Variants in SLC9A7 observed in about 807,000 individuals in gnomAD.
The protein encoded by SLC9A7 is sodium/hydrogen exchanger 7.
A neutral mutation model predicts 52.6 loss-of-function variants in SLC9A7; 19 were observed. The observed-to-expected ratio is 0.36, with a 90% CI of 0.25 to 0.53. The LOEUF is 0.53. SLC9A7 is among the 20% of genes least tolerant of loss of function. The probability of loss-of-function intolerance (pLI) is 0.91; values close to 1 mark genes in which losing one functional copy is unlikely to be tolerated. For synonymous variants in SLC9A7, 226 were observed against 252.1 expected (o/e 0.90, Z 0.98); for missense variants, 455 against 597.9 (o/e 0.76, Z 2.49).
At chrX:46,631,903 C>T (rs1438050682) in intron 13 of SLC9A7, among the ~76,000 whole-genome samples, 1 of 112,027 alleles carries the variant, frequency 8.9e-6, no homozygotes, top group Non-Finnish European at 1.9e-5. Context: ...CGGAACACAA[C>T]ACATGCTGGC....
chrX:46,746,247 T>C (rs1921761911), intron 1 of SLC9A7, among the ~76,000 whole-genome samples: 1 of 110,770 alleles, frequency 9.0e-6, no homozygotes, highest in African/African-American at 3.3e-5. Flanking sequence ...GAGAATCGCT[T>C]GAACCCGGGA....
At chrX:46,626,415 C>T (rs1943129766) in intron 14 of SLC9A7, among the ~76,000 whole-genome samples, 1 of 111,974 alleles carries the variant, frequency 8.9e-6, no homozygotes, top group South Asian at 3.7e-4. Flanking sequence ...GCTGGGATTA[C>T]AGGTGCCTGC....
At chrX:46,754,622 G>C (rs1922501771) in intron 1 of SLC9A7, among the ~76,000 whole-genome samples, 1 of 111,954 alleles carries the variant, frequency 8.9e-6, no homozygotes, top group African/African-American at 3.3e-5. Flanking sequence ...CTCCACCACA[G>C]CAACAGTGAG....
At chrX:46,615,805 T>C (rs1454447050) in intron 15 of SLC9A7, among the ~76,000 whole-genome samples, 1 of 110,031 alleles carries the variant, frequency 9.1e-6, no homozygotes, top group Non-Finnish European at 1.9e-5. Context: ...AATACACTTC[T>C]CCCCCATTTC....
intron 13 of SLC9A7, among the ~76,000 whole-genome samples, chrX:46,633,073 GA>G (rs1167731209): frequency 9.2e-6 from 1 of 108,704 alleles, no homozygotes; most frequent in Admixed American, 9.9e-5. Flanking sequence ...GGCAATGGGG[GA>G]AAGAAAAAAG....
rs1922937631 is a variant in SLC9A7 at position 46,759,116 on chromosome X, A to AGTGGCC, written c.-88_-87insGGCCAC. On this transcript the variant is annotated 5_prime_UTR_variant, in exon 1 of 17. Transcript: ENST00000616978. ...TCTGGCAGCACCGCGGACCTGCCGG[A>AGTGGCC]GTGGCCGTGGCCGCTGCAGCTCCTC... 3.2e-6 allele frequency: 2 copies of AGTGGCC among 616,317 alleles called. No individual in the cohort carries two copies. Among genetic ancestry groups the AGTGGCC allele is most frequent in the Non-Finnish European group, 4.2e-6 (2 of 481,195 alleles). The allele number at this position is 616,317 out of a possible 1,213,427, so 50.8% of individuals were successfully genotyped here.
chrX:46,634,981 CCA>C (rs747837272), intron 13 of SLC9A7, among the ~76,000 whole-genome samples: 1 of 111,319 alleles, frequency 9.0e-6, no homozygotes, highest in African/African-American at 3.3e-5. Flanking sequence ...CCAGACATCA[CCA>C]CCCTTAAGCA....
Position 46,662,525 on chromosome X carries a change from C to T in SLC9A7, c.899+13G>A, listed in dbSNP as rs944847452. The stretch of plus-strand genomic sequence containing the variant: ...TGGGGTGTCTCTTCTCCAGCAGAAA[C>T]ACTGCTACTTACGAGGACAGTACAA... On this transcript the variant is annotated intron_variant, in intron 6 of 16. Coordinates refer to ENST00000616978, the MANE Select transcript of SLC9A7 (RefSeq NM_001257291.2). 13 of 1,159,288 alleles carry T rather than the reference C, an allele frequency of 1.1e-5. No homozygotes were observed. Among genetic ancestry groups the T allele is most frequent in the Non-Finnish European group, 1.5e-5 (13 of 850,998 alleles).
At chrX:46,618,475 C>T (rs1218069265) in intron 15 of SLC9A7, among the ~76,000 whole-genome samples, 1 of 110,276 alleles carries the variant, frequency 9.1e-6, no homozygotes, top group African/African-American at 3.3e-5. Context: ...ATGCTTGTCA[C>T]TCAGTAAAAA....
chrX:46,643,984 C>T (rs1428372140), intron 11 of SLC9A7, among the ~76,000 whole-genome samples: 1 of 112,092 alleles, frequency 8.9e-6, no homozygotes, highest in Non-Finnish European at 1.9e-5. Flanking sequence ...AACATTTCCA[C>T]AAATGTTTAC....
intron 1 of SLC9A7, among the ~76,000 whole-genome samples, chrX:46,693,844 A>G (rs1260604796): frequency 1.8e-5 from 2 of 111,191 alleles, no homozygotes; most frequent in Non-Finnish European, 3.8e-5. Flanking sequence ...TGAGGCCAGG[A>G]GTTCAAGACC....
Position 46,669,687 on chromosome X carries a change from T to C in SLC9A7, c.713A>G (p.Lys238Arg). The change falls in exon 5 of 17, where the codon AAG becomes AGG. Residue 238 changes from lysine to arginine, a missense_variant. Lys to Arg is a conservative substitution (Grantham distance 26, BLOSUM62 2). This residue lies in a region of SLC9A7 where 304 missense variants were observed against 417.8 expected (regional missense o/e 0.73). Coordinates refer to ENST00000616978, the MANE Select transcript of SLC9A7 (RefSeq NM_001257291.2). ...NLMYGVVKLM[K>R]IMGQLSDKFY... is the part of the protein sequence containing the mutation. ...TTTATCTGAGAGCTGTCCCATAATC[T>C]TCATGAGCTTCACCACACCATACAT... is the stretch of plus-strand genomic sequence containing the variant. 1 of 1,174,982 alleles carries C rather than the reference T, an allele frequency of 8.5e-7. No homozygotes were observed. The highest frequency in any genetic ancestry group is 1.2e-6 in the Non-Finnish European group (1 of 869,429).
At chrX:46,674,674 C>T (rs2146850350) in intron 3 of SLC9A7, among the ~76,000 whole-genome samples, 1 of 111,918 alleles carries the variant, frequency 8.9e-6, no homozygotes, top group Admixed American at 9.5e-5. Flanking sequence ...TCCCACTTCT[C>T]TTTGGGAAAG....
chrX:46,724,606 G>T (rs1438545573), intron 1 of SLC9A7, among the ~76,000 whole-genome samples: 1 of 111,306 alleles, frequency 9.0e-6, no homozygotes, highest in Non-Finnish European at 1.9e-5. Flanking sequence ...GGGAACCATA[G>T]AATAAAAATA....
rs1398404041 is a variant in SLC9A7 at position 46,759,000 on chromosome X, G to C, written c.30C>G (p.Gly10=). Residue 10 remains glycine (G), a synonymous_variant, in exon 1 of 17, where the codon GGC becomes GGG. Transcript: ENST00000616978. MEPGDAARP[G]SGRATGAPPP... ...GCGGCGCCCCGGTAGCCCGACCCGA[G>C]CCAGGGCGCGCCGCGTCACCAGGCT... 6.6e-5 allele frequency: 64 copies of C among 973,411 alleles called. No homozygotes were observed. The highest frequency in any genetic ancestry group is 8.2e-5 in the Non-Finnish European group (64 of 781,929). 80.2% of individuals were successfully genotyped at this position (973,411 alleles called of 1,213,427 possible). A position where few individuals can be genotyped will look rare whatever the true frequency, so the allele number is the denominator to read the frequency against.
chrX:46,628,649 T>A (rs980754006), intron 14 of SLC9A7, among the ~76,000 whole-genome samples: 13 of 112,485 alleles, frequency 1.2e-4, no homozygotes, highest in African/African-American at 3.9e-4. Context: ...CAAATGTCAC[T>A]TTTTTGTTTG....
chrX:46,646,554 G>A, intron 11 of SLC9A7: 1 of 200,296 alleles, frequency 5.0e-6, no homozygotes, highest in East Asian at 1.4e-4. Flanking sequence ...GGGACGGGCA[G>A]GGAAGGTGTT....
chrX:46,737,732 A>G (rs530201185), intron 1 of SLC9A7, among the ~76,000 whole-genome samples: 3 of 111,641 alleles, frequency 2.7e-5, no homozygotes, highest in African/African-American at 9.8e-5. Flanking sequence ...TCAGTCATAC[A>G]CAGAAAGTTT....
At chrX:46,701,057 T>C (rs1337304097) in intron 1 of SLC9A7, among the ~76,000 whole-genome samples, 2 of 111,641 alleles carry the variant, frequency 1.8e-5, no homozygotes, top group African/African-American at 6.5e-5. Flanking sequence ...TTAACTTTGG[T>C]TCTCCCTGAT....
Sources: allele counts gnomAD v4.1 joint callset (sites outside exome capture counted in the v4.1 genomes callset), GRCh38; gene constraint gnomAD v4.1.1; regional missense constraint gnomAD v4.1.1; transcripts MANE v1.5; gene names NCBI Gene and HGNC (gene_info 2026-07-23, HGNC 2026-07-21).